The following DLC1 variants were observed in gnomAD, a reference collection of about 807,000 sequenced individuals.
The protein encoded by DLC1 is rho GTPase-activating protein 7.
In DLC1, 54 loss-of-function variants were observed where a neutral mutation model predicts 140.3. That is an observed-to-expected ratio of 0.38 (90% CI 0.31 to 0.48). The LOEUF (loss-of-function observed/expected upper bound fraction) is 0.48. Ranked by LOEUF, DLC1 falls within the 20% of genes least tolerant of loss-of-function variation. The probability of loss-of-function intolerance (pLI) is 0.96; values close to 1 mark genes in which losing one functional copy is unlikely to be tolerated. For synonymous variants in DLC1, 986 were observed against 728.1 expected (o/e 1.35, Z -5.70); for missense variants, 2,536 against 1,907.0 (o/e 1.33, Z -6.14).
intron 4 of DLC1, among the ~76,000 whole-genome samples, chr8:13,355,474 G>A (rs1285309457): frequency 6.6e-6 from 1 of 152,126 alleles, no homozygotes; most frequent in Non-Finnish European, 1.5e-5. Flanking sequence ...TCAGATCAAG[G>A]TCTGGCAGGG....
chr8:13,536,643 A>G lies in DLC1; in HGVS notation c.-125-36447T>C, dbSNP rs1192005821. Among the ~76,000 whole-genome samples the G allele has an allele frequency of 2.6e-5, 4 of 152,146 alleles. No homozygotes were observed. In the East Asian group the frequency reaches 7.7e-4, roughly 29 times the overall value. On this transcript the variant is annotated intron_variant, in intron 1 of 1. Coordinates refer to the DLC1 transcript ENST00000631382. ...TACAGGGCAATATTTGAACTGAGTT[A>G]CTTTCCCCCTGGTCAAAGGCTGCTT...
In DLC1 at chr8:13,498,622, T is replaced by G. The variant is rs1000100436; in HGVS notation, c.1023+427A>C. 7.0e-4 allele frequency among the ~76,000 whole-genome samples: 106 copies of G among 152,148 alleles called. 1 individual carries two copies. Among genetic ancestry groups the G allele is most frequent in the Non-Finnish European group, 1.6e-4 (11 of 68,024 alleles). On this transcript the variant is annotated intron_variant, in intron 2 of 17. Coordinates refer to ENST00000276297, the MANE Select transcript of DLC1 (RefSeq NM_182643.3). ...TGATTTATACCACCTTTTTTTCTTA[T>G]GAAAACATAGTCTTTTTGAAGAGAA...
chr8:13,121,369 C>T (rs1821045706), intron 5 of DLC1, among the ~76,000 whole-genome samples: 1 of 152,102 alleles, frequency 6.6e-6, no homozygotes, highest in African/African-American at 2.4e-5. Flanking sequence ...ACCAATTTGG[C>T]AGGAATGTTG....
At chr8:13,186,222 G>T (rs528438658) in intron 5 of DLC1, among the ~76,000 whole-genome samples, 1 of 152,136 alleles carries the variant, frequency 6.6e-6, no homozygotes, top group Non-Finnish European at 1.5e-5. Context: ...AAGTTCTCCT[G>T]GATAATATCC....
At position 13,094,920 on chromosome 8, in the gene DLC1, A is replaced by T; in HGVS notation, c.3365T>A (p.Ile1122Asn). ...TTCATTCATCTGGCGCAGAGCCTGA[A>T]TCCGGGACTTGACCCCCGATTTTCT... ...LFRKSGVKSR[I>N]QALRQMNEGA... Residue 1122 changes from isoleucine (I) to asparagine (N), a missense_variant, in exon 12 of 18, where the codon ATT becomes AAT. Ile to Asn is a moderately radical substitution (Grantham distance 149). Transcript: ENST00000276297. 1 of 1,614,222 alleles carries T rather than the reference A, an allele frequency of 6.2e-7. No homozygotes were observed. Among genetic ancestry groups the T allele is most frequent in the Non-Finnish European group, 8.5e-7 (1 of 1,180,038 alleles).
chr8:13,428,823 G>A (rs1452666650), intron 2 of DLC1, among the ~76,000 whole-genome samples: 2 of 152,188 alleles, frequency 1.3e-5, no homozygotes, highest in African/African-American at 4.8e-5. Flanking sequence ...GCCCGAGGGT[G>A]TTCTTGAAAA....
intron 4 of DLC1, among the ~76,000 whole-genome samples, chr8:13,364,184 C>T (rs1342487982): frequency 6.6e-6 from 1 of 152,194 alleles, no homozygotes; most frequent in Non-Finnish European, 1.5e-5. Flanking sequence ...CAGTAACACA[C>T]TGAACTCTAC....
chr8:13,167,726 G>A (rs569043190), intron 5 of DLC1, among the ~76,000 whole-genome samples: 2 of 152,220 alleles, frequency 1.3e-5, no homozygotes, highest in Admixed American at 6.5e-5. Flanking sequence ...AATTCTGGGC[G>A]GAGTCCCACA....
At position 13,480,478 on chromosome 8, in the gene DLC1, A is replaced by G. The variant is rs1440536590; in HGVS notation, c.1023+18571T>C. Among the ~76,000 whole-genome samples the G allele has an allele frequency of 2.0e-5, 3 of 152,120 alleles. No individual in the cohort carries two copies. In the East Asian group the frequency reaches 5.8e-4, roughly 29 times the overall value. On this transcript the variant is annotated intron_variant, in intron 2 of 17. Coordinates refer to ENST00000276297, the MANE Select transcript of DLC1 (RefSeq NM_182643.3). ...ACTATATCTTCTTCCTTTGGGTCCAATTTTACTGCTTTGTTCTGGAGTGAA... is the reference window on the plus strand; with the variant it reads ...ACTATATCTTCTTCCTTTGGGTCCAGTTTTACTGCTTTGTTCTGGAGTGAA...
chr8:13,539,543 A>T (rs1803414789), intron 1 of DLC1, among the ~76,000 whole-genome samples: 1 of 152,182 alleles, frequency 6.6e-6, no homozygotes, highest in African/African-American at 2.4e-5. Flanking sequence ...CAGCAAGCTG[A>T]GAGCTCCTTT....
rs1485262988 is a variant in DLC1, at chr8:13,499,666, A to G, written c.406T>C (p.Ser136Pro). Residue 136 changes from serine to proline, a missense_variant, in exon 2 of 18, where the codon TCA becomes CCA. Ser to Pro is a moderately conservative substitution (Grantham distance 74). Coordinates refer to ENST00000276297, the MANE Select transcript of DLC1 (RefSeq NM_182643.3). ...QVLNTQGQKT[S>P]GQHMIQGAGS... ...GCTCCTTGGATCATATGTTGGCCTG[A>G]TGTTTTCTGCCCTTGGGTATTTAAA... 1 of 1,614,126 alleles carries G rather than the reference A, an allele frequency of 6.2e-7. No individual in the cohort carries two copies. The highest frequency in any genetic ancestry group is 8.5e-7 in the Non-Finnish European group (1 of 1,180,012).
intron 1 of DLC1, chr8:13,568,043 T>C: frequency 7.5e-7 from 1 of 1,340,992 alleles, no homozygotes. Context: ...TATGCTTCCT[T>C]CACAGATTTG....
intron 16 of DLC1, 102 bp from the exon 17 acceptor site, chr8:13,086,565 G>C: frequency 2.2e-6 from 3 of 1,361,166 alleles, no homozygotes; most frequent in Non-Finnish European, 3.0e-6. Context: ...GACGGGTCAG[G>C]CTCAGTGGCC....
At chr8:13,132,205 C>CTGTGTGTGTGTGTG (rs147699066) in intron 5 of DLC1, among the ~76,000 whole-genome samples, 1,455 of 139,162 alleles carry the variant, frequency 0.01, 32 homozygotes, top group African/African-American at 0.033. Flanking sequence ...AAAACCAAAA[C>CTGTGTGTGTGTGTG]TGTGTGTGTG....
At chr8:13,121,376 G>A (rs1821046284) in intron 5 of DLC1, among the ~76,000 whole-genome samples, 1 of 152,164 alleles carries the variant, frequency 6.6e-6, no homozygotes, top group African/African-American at 2.4e-5. Context: ...TGGCAGGAAT[G>A]TTGTGCAGGT....
intron 2 of DLC1, among the ~76,000 whole-genome samples, chr8:13,420,337 A>T (rs1312856302): frequency 1.3e-5 from 2 of 152,100 alleles, no homozygotes; most frequent in Non-Finnish European, 2.9e-5. Context: ...GTAGGGAGGA[A>T]ATTGGTAGAG....
chr8:13,110,351 C>T (rs529887814), intron 7 of DLC1, among the ~76,000 whole-genome samples: 2 of 152,228 alleles, frequency 1.3e-5, no homozygotes, highest in South Asian at 2.1e-4. Flanking sequence ...TTGAGAGGAG[C>T]GTTCTTGGAA....
At chr8:13,086,556 A>G in intron 16 of DLC1, 93 bp from the exon 17 acceptor site, 1 of 1,467,636 alleles carries the variant, frequency 6.8e-7, no homozygotes, top group Non-Finnish European at 9.3e-7. Flanking sequence ...CAGTGTGGTG[A>G]CGGGTCAGGC....
At chr8:13,195,001 T>C (rs906698983) in intron 5 of DLC1, among the ~76,000 whole-genome samples, 1 of 152,104 alleles carries the variant, frequency 6.6e-6, no homozygotes, top group African/African-American at 2.4e-5. Flanking sequence ...CAGAGCAAGA[T>C]CCTGTCTCAA....
Sources: gnomAD v4.1 joint callset for allele counts (sites outside exome capture counted in the v4.1 genomes callset) on GRCh38, gnomAD v4.1.1 for gene constraint, MANE v1.5 for transcripts, NCBI Gene and HGNC (gene_info 2026-07-23, HGNC 2026-07-21) for gene names.